Variants in CLASP1 observed in about 807,000 individuals in gnomAD.
CLASP1 encodes the protein cytoplasmic linker associated protein 1, also known as CLIP-associating protein 1.
CLASP1 carries 38 observed loss-of-function variants against 192.3 expected under a neutral mutation model. The observed-to-expected ratio is 0.20, with a 90% CI of 0.15 to 0.26. The LOEUF (loss-of-function observed/expected upper bound fraction) is 0.26. Among genes scored for constraint, CLASP1 ranks in the 10% least tolerant of loss-of-function variants. The probability of loss-of-function intolerance (pLI) is 1.00; values close to 1 mark genes in which losing one functional copy is unlikely to be tolerated. For synonymous variants in CLASP1, 691 were observed against 712.8 expected, an observed-to-expected ratio of 0.97 and a Z score of 0.49; for missense variants, 1,433 against 1,932.5, an observed-to-expected ratio of 0.74 and a Z score of 4.85.
intron 2 of CLASP1, among the ~76,000 whole-genome samples, chr2:121,566,954 G>A (rs891117523): frequency 3.3e-5 from 5 of 152,100 alleles, no homozygotes; most frequent in Non-Finnish European, 5.9e-5. Context: ...TGGCCTTCAC[G>A]CCCTCTGAGG....
exon 2 of CLASP1, chr2:121,606,124 T>G: frequency 1.8e-6 from 1 of 550,146 alleles, no homozygotes; most frequent in Non-Finnish European, 3.2e-6. Context: ...AAGGAGTGAG[T>G]GGCAGAGTGA....
chr2:121,621,658 C>T (rs2067368540), intron 1 of CLASP1, among the ~76,000 whole-genome samples: 1 of 152,118 alleles, frequency 6.6e-6, no homozygotes, highest in African/African-American at 2.4e-5. Flanking sequence ...CATTCTATGC[C>T]ATTGATCTAT....
chr2:121,351,409 C>T (rs1310765853), intron 37 of CLASP1, among the ~76,000 whole-genome samples: 6 of 152,320 alleles, frequency 3.9e-5, no homozygotes, highest in African/African-American at 9.6e-5. Context: ...GGAACTGAAA[C>T]ATTTCTGTTG....
chr2:121,348,435 C>G, intron 38 of CLASP1, 77 bp downstream of exon 39: 1 of 1,322,104 alleles, frequency 7.6e-7, no homozygotes, highest in Non-Finnish European at 1.0e-6. Context: ...GAAGGAGGAG[C>G]ACAAAGCCCT....
At chr2:121,540,783 TC>T (rs35374711) in intron 2 of CLASP1, among the ~76,000 whole-genome samples, 30,132 of 145,380 alleles carry the variant, frequency 0.21, 5,672 homozygotes, top group African/African-American at 0.51. Context: ...TGAGACTCCA[TC>T]CAAAAAAAAA....
chr2:121,573,268 A>G (rs2060152005), intron 2 of CLASP1, among the ~76,000 whole-genome samples: 2 of 152,180 alleles, frequency 1.3e-5, no homozygotes, highest in African/African-American at 4.8e-5. Context: ...CTGAAAACAC[A>G]GTTTTCTAAG....
intron 1 of CLASP1, among the ~76,000 whole-genome samples, chr2:121,644,040 G>A (rs906356437): frequency 2.0e-5 from 3 of 151,994 alleles, no homozygotes; most frequent in African/African-American, 4.8e-5. Context: ...ATGTATTACC[G>A]ACTTAACACA....
exon 28 of CLASP1, chr2:121,401,517 A>T (rs868682764): frequency 1.9e-6 from 3 of 1,611,038 alleles, no homozygotes; most frequent in Middle Eastern, 1.6e-4. Context: ...ACCTTGTGAC[A>T]TCTAGAGCCT....
intron 34 of CLASP1, 94 bp from the exon 36 acceptor site, chr2:121,367,925 C>G (rs1558904569): frequency 1.3e-6 from 2 of 1,507,596 alleles, no homozygotes; most frequent in Non-Finnish European, 8.9e-7. Flanking sequence ...GAGATTTTCA[C>G]TTGAAATATG....
chr2:121,523,023 G>A (rs771478894), intron 6 of CLASP1, among the ~76,000 whole-genome samples: 16 of 152,090 alleles, frequency 1.1e-4, no homozygotes, highest in South Asian at 2.1e-4. Flanking sequence ...CACTTGCAAG[G>A]ACTCTCATAA....
chr2:121,431,858 C>T (rs2081485013), intron 19 of CLASP1, among the ~76,000 whole-genome samples: 1 of 151,342 alleles, frequency 6.6e-6, no homozygotes, highest in African/African-American at 2.4e-5. Context: ...TTTTCTAAAG[C>T]TTACTATTTT....
chr2:121,518,823 A>G (rs1347836203), intron 6 of CLASP1, among the ~76,000 whole-genome samples: 1 of 152,234 alleles, frequency 6.6e-6, no homozygotes, highest in Admixed American at 6.5e-5. Context: ...GGTTGCAGTG[A>G]GCCGAGATTA....
chr2:121,385,230 C>T (rs571638352), intron 32 of CLASP1, among the ~76,000 whole-genome samples: 3 of 152,068 alleles, frequency 2.0e-5, no homozygotes, highest in Middle Eastern at 3.2e-3. Context: ...GTTTTAGTTG[C>T]GAGAAAAATC....
intron 14 of CLASP1, among the ~76,000 whole-genome samples, chr2:121,456,143 G>A (rs568721367): frequency 1.6e-4 from 25 of 152,178 alleles, no homozygotes; most frequent in African/African-American, 6.0e-4. Flanking sequence ...ATTACAAAAT[G>A]TATACACATT....
intron 37 of CLASP1, among the ~76,000 whole-genome samples, chr2:121,354,890 G>A (rs2065115332): frequency 6.6e-6 from 1 of 152,132 alleles, no homozygotes; most frequent in African/African-American, 2.4e-5. Flanking sequence ...GTGCTCTTCG[G>A]GGTTGCAACG....
chr2:121,450,846 C>A, intron 16 of CLASP1, 67 bp downstream of exon 16: 1 of 1,142,514 alleles, frequency 8.8e-7, no homozygotes, highest in South Asian at 1.4e-5. Context: ...TTTAATAAGG[C>A]AATCCTATAA....
intron 1 of CLASP1, among the ~76,000 whole-genome samples, chr2:121,639,119 A>G (rs1238066157): frequency 6.6e-6 from 1 of 152,100 alleles, no homozygotes; most frequent in Non-Finnish European, 1.5e-5. Flanking sequence ...TACTAAAAAT[A>G]CAAAAAAATT....
chr2:121,407,386 C>T, intron 25 of CLASP1, 85 bp downstream of exon 26: 7 of 1,461,992 alleles, frequency 4.8e-6, no homozygotes, highest in Non-Finnish European at 6.5e-6. Context: ...AATTAGACTC[C>T]ATTAATTATA....
At chr2:121,429,025 C>T (rs568063007) in intron 20 of CLASP1, among the ~76,000 whole-genome samples, 3 of 152,288 alleles carry the variant, frequency 2.0e-5, no homozygotes, top group African/African-American at 7.2e-5. Context: ...TATCACACTA[C>T]ACAATACAAC....
Sources: gnomAD v4.1 joint callset for allele counts (sites outside exome capture counted in the v4.1 genomes callset) on GRCh38, gnomAD v4.1.1 for gene constraint, MANE v1.5 for transcripts, NCBI Gene and HGNC (gene_info 2026-07-23, HGNC 2026-07-21) for gene names.